ARHGEF7: variants seen among roughly 807,000 people sequenced by gnomAD.
ARHGEF7 encodes the protein Rho guanine nucleotide exchange factor 7.
A neutral mutation model predicts 109.8 loss-of-function variants in ARHGEF7; 33 were observed. The observed-to-expected ratio is 0.30, with a 90% CI of 0.23 to 0.40. The LOEUF is 0.40. Among genes scored for constraint, ARHGEF7 ranks in the 10% least tolerant of loss-of-function variants. The pLI, the probability that ARHGEF7 is intolerant of heterozygous loss-of-function variation, is 1.00. For missense variants in ARHGEF7, 938 were observed against 1,098.5 expected (o/e 0.85, Z 2.07); for synonymous variants, 458 against 424.6 (o/e 1.08, Z -0.97).
At chr13:111,130,841 AT>A (rs1277548366) in intron 1 of ARHGEF7, among the ~76,000 whole-genome samples, 1 of 152,154 alleles carries the variant, frequency 6.6e-6, no homozygotes, top group East Asian at 1.9e-4. Context: ...CCTCTGACTG[AT>A]GCATAGCTGT....
chr13:111,125,726 C>A (rs2067514710), intron 1 of ARHGEF7, among the ~76,000 whole-genome samples: 1 of 152,236 alleles, frequency 6.6e-6, no homozygotes, highest in Non-Finnish European at 1.5e-5. Flanking sequence ...TCACCAATGT[C>A]CTGTCCTTAA....
intron 1 of ARHGEF7, among the ~76,000 whole-genome samples, chr13:111,123,521 G>C (rs1244959711): frequency 6.6e-6 from 1 of 152,128 alleles, no homozygotes; most frequent in African/African-American, 2.4e-5. Context: ...TTCTTAACTA[G>C]GGGACATGCC....
At chr13:111,292,868 C>A in intron 19 of ARHGEF7, 1 of 989,972 alleles carries the variant, frequency 1.0e-6, no homozygotes, top group Non-Finnish European at 1.2e-6. Context: ...TCGTGCAGAA[C>A]AGCATGTGGG....
intron 1 of ARHGEF7, among the ~76,000 whole-genome samples, chr13:111,118,106 G>A (rs1421261466): frequency 6.6e-6 from 1 of 152,276 alleles, no homozygotes; most frequent in Non-Finnish European, 1.5e-5. Flanking sequence ...CTTCGCCTCT[G>A]CAGGCTCACA....
At chr13:111,297,532 C>T (rs1431126868) in intron 19 of ARHGEF7, among the ~76,000 whole-genome samples, 1 of 152,226 alleles carries the variant, frequency 6.6e-6, no homozygotes. Flanking sequence ...ACCTTTATGA[C>T]TTCATCTGTT....
rs536700746 is a variant in ARHGEF7, at chr13:111,283,844, C to T, written c.1950+481C>T. 1.4e-4 allele frequency among the ~76,000 whole-genome samples: 22 copies of T among 152,252 alleles called. No individual in the cohort carries two copies. The South Asian group carries it at 1.7e-3, about 11-fold the overall frequency. ...TACAAATGAAAAACAATCACTTAGG[C>T]GGTTTCCCCCTTTGATGCATAAGAA... On this transcript the variant is annotated intron_variant, in intron 16 of 21. Coordinates refer to ENST00000646102, the MANE Select transcript of ARHGEF7 (RefSeq NM_001354046.2).
intron 2 of ARHGEF7, among the ~76,000 whole-genome samples, chr13:111,188,027 A>G (rs1320908927): frequency 1.3e-5 from 2 of 152,176 alleles, no homozygotes; most frequent in Admixed American, 6.5e-5. Flanking sequence ...ATTTCTTATG[A>G]ACCGAGCACA....
chr13:111,219,246 G>T (rs2083517637), intron 5 of ARHGEF7, among the ~76,000 whole-genome samples: 1 of 152,184 alleles, frequency 6.6e-6, no homozygotes, highest in Non-Finnish European at 1.5e-5. Context: ...GGTGCTTCGT[G>T]TAAGTGCAGT....
At chr13:111,218,546 T>C (rs541792732) in intron 5 of ARHGEF7, among the ~76,000 whole-genome samples, 1 of 152,268 alleles carries the variant, frequency 6.6e-6, no homozygotes, top group South Asian at 2.1e-4. Context: ...TGCCCTGTAG[T>C]TGAAAAACAC....
At chr13:111,142,605 G>A (rs908897492) in intron 1 of ARHGEF7, among the ~76,000 whole-genome samples, 1 of 152,180 alleles carries the variant, frequency 6.6e-6, no homozygotes, top group Non-Finnish European at 1.5e-5. Context: ...TAGCCCACAA[G>A]TGTCCTTGGC....
intron 2 of ARHGEF7, among the ~76,000 whole-genome samples, chr13:111,198,203 C>T (rs2080785431): frequency 6.6e-6 from 1 of 152,170 alleles, no homozygotes. Context: ...GTGCTAGTTG[C>T]TTTTAACTGG....
chr13:111,271,887 A>G (rs1234646806), intron 9 of ARHGEF7, among the ~76,000 whole-genome samples: 1 of 152,162 alleles, frequency 6.6e-6, no homozygotes, highest in Non-Finnish European at 1.5e-5. Context: ...GTGTATATGT[A>G]TGTGTTTATT....
At chr13:111,298,305 T>C (rs1231126112) in intron 19 of ARHGEF7, among the ~76,000 whole-genome samples, 2 of 152,274 alleles carry the variant, frequency 1.3e-5, no homozygotes. Flanking sequence ...TGTATTTGTA[T>C]GAGAAACACT....
At chr13:111,206,781 G>C (rs1376582446) in intron 3 of ARHGEF7, among the ~76,000 whole-genome samples, 1 of 151,862 alleles carries the variant, frequency 6.6e-6, no homozygotes. Context: ...CTAACACGGT[G>C]AAACCCCGTC....
At position 111,299,005 on chromosome 13, in the gene ARHGEF7, A is replaced by G. The variant is rs541632648; in HGVS notation, c.2312-1743A>G. ...TCCTGAAGCTTGTGCCAGGTGACAG[A>G]GCAGCACTTGGTTGCTTTCCCAGGA... On this transcript the variant is annotated intron_variant, in intron 19 of 21. Coordinates refer to ENST00000646102, the MANE Select transcript of ARHGEF7 (RefSeq NM_001354046.2). Among the ~76,000 whole-genome samples, 3 of 148,168 alleles carry G rather than the reference A, an allele frequency of 2.0e-5. No individual in the cohort carries two copies. The South Asian group carries it at 6.2e-4, about 31-fold the overall frequency.
chr13:111,287,834 G>A (rs1486719940), intron 17 of ARHGEF7, among the ~76,000 whole-genome samples: 4 of 152,258 alleles, frequency 2.6e-5, no homozygotes. Flanking sequence ...TAGACAAGAT[G>A]ATGGGCCCGG....
chr13:111,127,608 C>T (rs2067656038), intron 1 of ARHGEF7, among the ~76,000 whole-genome samples: 1 of 140,392 alleles, frequency 7.1e-6, no homozygotes, highest in South Asian at 2.3e-4. Context: ...GATCACACCA[C>T]TGCACTTCAG....
chr13:111,157,734 A>G (rs375028514), intron 2 of ARHGEF7, among the ~76,000 whole-genome samples: 61 of 152,154 alleles, frequency 4.0e-4, no homozygotes, highest in African/African-American at 1.1e-3. Flanking sequence ...GTATTTTGCT[A>G]TGTTACTGTG....
intron 1 of ARHGEF7, among the ~76,000 whole-genome samples, chr13:111,121,704 A>C (rs1594794856): frequency 2.0e-5 from 3 of 152,134 alleles, no homozygotes; most frequent in East Asian, 3.9e-4. Flanking sequence ...CCCCGAACCC[A>C]CGGGTCCCTG....
Sources: allele counts gnomAD v4.1 joint callset (sites outside exome capture counted in the v4.1 genomes callset), GRCh38; gene constraint gnomAD v4.1.1; transcripts MANE v1.5; gene names NCBI Gene and HGNC (gene_info 2026-07-23, HGNC 2026-07-21).